The following KCNT2 variants were observed in gnomAD, a reference collection of about 807,000 sequenced individuals.
KCNT2 encodes the protein potassium sodium-activated channel subfamily T member 2, also known as potassium channel subfamily T member 2.
In KCNT2, 67 loss-of-function variants were observed where a neutral mutation model predicts 153.8. That is an observed-to-expected ratio of 0.44 (90% CI 0.36 to 0.53). The LOEUF (loss-of-function observed/expected upper bound fraction) is 0.53, where lower values mean the gene tolerates loss of function less well. Ranked by LOEUF, KCNT2 falls within the 20% of genes least tolerant of loss-of-function variation. The pLI is 0.00. For synonymous variants in KCNT2, 500 were observed against 458.8 expected, an observed-to-expected ratio of 1.09 and a Z score of -1.15; for missense variants, 975 against 1,354.8, an observed-to-expected ratio of 0.72 and a Z score of 4.40.
chr1:196,479,378 T>G, intron 4 of KCNT2, 140 bp from the exon 5 acceptor site: 1 of 574,136 alleles, frequency 1.7e-6, no homozygotes, highest in Non-Finnish European at 3.1e-6. Flanking sequence ...AGGCGGTACT[T>G]TAACTTCTAT....
Position 196,608,413 on chromosome 1 carries a change from G to T in KCNT2, c.-104C>A, listed in dbSNP as rs1665554929. The T allele has an allele frequency of 1.2e-6, 1 of 868,986 alleles. No individual in the cohort carries two copies. The highest frequency in any genetic ancestry group is 1.9e-6 in the Non-Finnish European group (1 of 527,016). The allele number at this position is 868,986 out of a possible 1,614,324, so 53.8% of individuals were successfully genotyped here. A position where few individuals can be genotyped will look rare whatever the true frequency, so the allele number is the denominator to read the frequency against. Reference sequence around the variant, plus strand: ...GGGAGAGGACTAACAAGACGCTGTGGCCGAGAGAGGGATGGGAGAAGGGGA... The same window carrying T: ...GGGAGAGGACTAACAAGACGCTGTGTCCGAGAGAGGGATGGGAGAAGGGGA... On this transcript the variant is annotated 5_prime_UTR_variant, in exon 1 of 28. Transcript: ENST00000294725.
At chr1:196,270,931 GAAGA>G (rs1397992071) in intron 25 of KCNT2, among the ~76,000 whole-genome samples, 1 of 151,746 alleles carries the variant, frequency 6.6e-6, no homozygotes, top group Non-Finnish European at 1.5e-5. Context: ...TTATAGTCCA[GAAGA>G]AAGGACCTAA....
intron 1 of KCNT2, among the ~76,000 whole-genome samples, chr1:196,592,950 G>A (rs1382853012): frequency 6.7e-6 from 1 of 149,474 alleles, no homozygotes; most frequent in African/African-American, 2.4e-5. Flanking sequence ...CATAAAATGT[G>A]GGGGGAACAG....
chr1:196,252,038 C>T (rs893571612), intron 26 of KCNT2, among the ~76,000 whole-genome samples: 1 of 151,628 alleles, frequency 6.6e-6, no homozygotes, highest in African/African-American at 2.4e-5. Context: ...TGTGCAGTCT[C>T]TTTATATTTA....
intron 13 of KCNT2, among the ~76,000 whole-genome samples, chr1:196,390,908 T>TTTA (rs1553310686): frequency 7.0e-5 from 10 of 142,900 alleles, no homozygotes; most frequent in Admixed American, 5.6e-4. Context: ...TTTTTTTTTT[T>TTTA]AAAAAAAAAC....
intron 7 of KCNT2, 79 bp from the exon 8 acceptor site, chr1:196,465,466 C>T: frequency 7.6e-6 from 6 of 789,170 alleles, no homozygotes; most frequent in Admixed American, 3.6e-5. Flanking sequence ...TATTAGCATA[C>T]ATTTCATGTC....
At chr1:196,420,198 T>G (rs985295410) in intron 12 of KCNT2, among the ~76,000 whole-genome samples, 1 of 152,030 alleles carries the variant, frequency 6.6e-6, no homozygotes, top group Non-Finnish European at 1.5e-5. Context: ...CTCTTTCAGG[T>G]TCACTGAGTG....
At chr1:196,257,261 T>C in intron 26 of KCNT2, 1 of 985,130 alleles carries the variant, frequency 1.0e-6, no homozygotes, top group Non-Finnish European at 1.2e-6. Flanking sequence ...TAACTTAATA[T>C]GTGGGTTTTT....
intron 8 of KCNT2, among the ~76,000 whole-genome samples, chr1:196,435,341 T>C (rs1674561149): frequency 6.6e-6 from 1 of 150,410 alleles, no homozygotes; most frequent in African/African-American, 2.4e-5. Flanking sequence ...TCCTAGTAAC[T>C]AGTATTTATA....
At chr1:196,521,781 C>T (rs112535695) in intron 1 of KCNT2, among the ~76,000 whole-genome samples, 14 of 152,074 alleles carry the variant, frequency 9.2e-5, no homozygotes, top group African/African-American at 3.4e-4. Context: ...ACAATAGACA[C>T]TAGGGCCTAC....
chr1:196,351,994 T>C (rs1572138609), intron 14 of KCNT2, among the ~76,000 whole-genome samples: 1 of 152,206 alleles, frequency 6.6e-6, no homozygotes, highest in East Asian at 1.9e-4. Context: ...TCTGTTTATA[T>C]GCTGGATTAC....
At chr1:196,339,110 G>A (rs562956892) in intron 16 of KCNT2, among the ~76,000 whole-genome samples, 1 of 152,082 alleles carries the variant, frequency 6.6e-6, no homozygotes, top group Admixed American at 6.6e-5. Context: ...GCTGTAAAGA[G>A]ATGTTGAGTT....
chr1:196,505,276 G>T (rs547901660), intron 1 of KCNT2, among the ~76,000 whole-genome samples: 2 of 152,300 alleles, frequency 1.3e-5, no homozygotes, highest in East Asian at 3.9e-4. Flanking sequence ...GTGTAAGGAA[G>T]GGATCCAGTT....
At chr1:196,267,160 G>T (rs148722027) in intron 25 of KCNT2, among the ~76,000 whole-genome samples, 1 of 152,302 alleles carries the variant, frequency 6.6e-6, no homozygotes, top group African/African-American at 2.4e-5. Context: ...GTTTCTGTGG[G>T]AAAATAGGTA....
At chr1:196,409,482 A>C (rs1002184449) in intron 12 of KCNT2, among the ~76,000 whole-genome samples, 1 of 151,542 alleles carries the variant, frequency 6.6e-6, no homozygotes, top group African/African-American at 2.4e-5. Flanking sequence ...TCCCACAATA[A>C]TTGTCATTAT....
intron 12 of KCNT2, among the ~76,000 whole-genome samples, chr1:196,399,529 T>C (rs1207529114): frequency 6.6e-6 from 1 of 151,558 alleles, no homozygotes. Context: ...AAAGTGGAGG[T>C]ATAGAAATTT....
intron 25 of KCNT2, among the ~76,000 whole-genome samples, chr1:196,280,214 A>G (rs1487903289): frequency 6.6e-6 from 1 of 152,238 alleles, no homozygotes; most frequent in African/African-American, 2.4e-5. Flanking sequence ...ATTACTTAGA[A>G]CAACATGAAC....
intron 27 of KCNT2, among the ~76,000 whole-genome samples, chr1:196,230,264 G>T (rs1653833393): frequency 6.6e-6 from 1 of 151,964 alleles, no homozygotes; most frequent in Admixed American, 6.6e-5. Context: ...GGACACTTAA[G>T]AATTCTGCTA....
intron 16 of KCNT2, among the ~76,000 whole-genome samples, chr1:196,339,520 C>CACACAG (rs1005738965): frequency 2.1e-4 from 29 of 138,006 alleles, no homozygotes; most frequent in East Asian, 8.4e-4. Context: ...CACACACACA[C>CACACAG]AGAGAGAGAG....
Sources: gnomAD v4.1 joint callset for allele counts (sites outside exome capture counted in the v4.1 genomes callset) on GRCh38, gnomAD v4.1.1 for gene constraint, MANE v1.5 for transcripts, NCBI Gene and HGNC (gene_info 2026-07-23, HGNC 2026-07-21) for gene names.